Variants in RAI14 observed in about 807,000 individuals in gnomAD.
RAI14 encodes ankycorbin.
Under a neutral mutation model 115.4 loss-of-function variants are expected in RAI14, and 45 were observed. The ratio of observed to expected loss-of-function variants is 0.39; its 90% CI spans 0.31 to 0.50. RAI14 has a LOEUF of 0.50. RAI14 is among the 20% of genes least tolerant of loss of function. RAI14 has a pLI of 0.85. For missense variants in RAI14, 939 were observed against 1,131.2 expected, an observed-to-expected ratio of 0.83 and a Z score of 2.44; for synonymous variants, 371 against 415.4, an observed-to-expected ratio of 0.89 and a Z score of 1.30.
At chr5:34,687,346 T>G (rs7701408) in intron 2 of RAI14, among the ~76,000 whole-genome samples, 1 of 151,802 alleles carries the variant, frequency 6.6e-6, no homozygotes, top group South Asian at 2.1e-4. Context: ...AATGACATAT[T>G]AGCATGGTTC....
At chr5:34,721,322 T>TATAG (rs1554045942) in intron 2 of RAI14, among the ~76,000 whole-genome samples, 3 of 143,938 alleles carry the variant, frequency 2.1e-5, no homozygotes, top group Non-Finnish European at 3.0e-5. Flanking sequence ...TATATATATA[T>TATAG]ATAGATGTGT....
intron 2 of RAI14, among the ~76,000 whole-genome samples, chr5:34,731,560 G>A (rs545539816): frequency 1.3e-5 from 2 of 152,296 alleles, no homozygotes; most frequent in East Asian, 3.9e-4. Context: ...TGTGGAGGCT[G>A]TGGGCAAAGC....
At chr5:34,764,582 A>G (rs1372647370) in intron 3 of RAI14, among the ~76,000 whole-genome samples, 3 of 151,560 alleles carry the variant, frequency 2.0e-5, no homozygotes, top group African/African-American at 7.3e-5. Flanking sequence ...ACACACAAAT[A>G]CATCCCTGTA....
At chr5:34,693,245 T>C (rs891557972) in intron 2 of RAI14, among the ~76,000 whole-genome samples, 4 of 152,168 alleles carry the variant, frequency 2.6e-5, no homozygotes, top group Admixed American at 2.6e-4. Context: ...AGTCAACCCT[T>C]AACACAACTC....
At chr5:34,660,490 G>A (rs1742606870) in intron 1 of RAI14, among the ~76,000 whole-genome samples, 1 of 152,188 alleles carries the variant, frequency 6.6e-6, no homozygotes, top group Non-Finnish European at 1.5e-5. Flanking sequence ...TGAAGCATGA[G>A]ACAAATCCAT....
chr5:34,718,318 G>A (rs11741104), intron 2 of RAI14, among the ~76,000 whole-genome samples: 42,162 of 152,166 alleles, frequency 0.28, 6,624 homozygotes, highest in African/African-American at 0.44. Context: ...CATAAGGTAC[G>A]TGGTTAGTGG....
rs570735298 is a variant in RAI14, at chr5:34,700,338, T to C, written c.36+13383T>C. On this transcript the variant is annotated intron_variant, in intron 2 of 17. Transcript: ENST00000265109. ...TCAGTGAGTTAAGTCCAGCAGTCAT[T>C]GGAGTCTATTGCTGTAGACTCTTGC... 2.6e-5 allele frequency among the ~76,000 whole-genome samples: 4 copies of C among 152,246 alleles called. No individual in the cohort carries two copies. The South Asian group carries it at 8.3e-4, about 32-fold the overall frequency.
intron 3 of RAI14, 96 bp downstream of exon 3, chr5:34,757,694 C>G (rs1409459150): frequency 7.1e-7 from 1 of 1,402,324 alleles, no homozygotes; most frequent in African/African-American, 1.4e-5. Flanking sequence ...CACACGTGCT[C>G]CCTCTCCACT....
chr5:34,696,601 A>C (rs1739268716), intron 2 of RAI14, among the ~76,000 whole-genome samples: 1 of 152,198 alleles, frequency 6.6e-6, no homozygotes, highest in Non-Finnish European at 1.5e-5. Context: ...GGGAGAATGG[A>C]TACTGGGGAT....
intron 4 of RAI14, among the ~76,000 whole-genome samples, chr5:34,799,493 G>GACACACAC (rs780186006): frequency 0.01 from 1,284 of 124,054 alleles, 14 homozygotes; most frequent in South Asian, 0.019. Context: ...CACACACACA[G>GACACACAC]ACACACACAC....
intron 3 of RAI14, among the ~76,000 whole-genome samples, chr5:34,776,926 T>G (rs996744201): frequency 2.0e-5 from 3 of 152,090 alleles, no homozygotes; most frequent in Non-Finnish European, 4.4e-5. Flanking sequence ...CCCAGCACTT[T>G]GGGAAGCCGA....
At chr5:34,770,095 C>T (rs1288168077) in intron 3 of RAI14, among the ~76,000 whole-genome samples, 3 of 152,112 alleles carry the variant, frequency 2.0e-5, no homozygotes, top group South Asian at 2.1e-4. Context: ...AGTCATCTCC[C>T]GGGTAGGGGA....
chr5:34,708,163 A>C (rs1022242370), intron 2 of RAI14, among the ~76,000 whole-genome samples: 6 of 151,632 alleles, frequency 4.0e-5, no homozygotes, highest in African/African-American at 9.7e-5. Flanking sequence ...TTAGAACCAC[A>C]TTTGAAATAA....
chr5:34,821,879 A>G, intron 14 of RAI14, 29 bp downstream of exon 14: 1 of 1,254,404 alleles, frequency 8.0e-7, no homozygotes, highest in South Asian at 1.2e-5. Context: ...ATCATGGACT[A>G]TTCTGTAGAG....
rs768901243 is a variant in RAI14 at position 34,823,909 on chromosome 5, C to T, written c.2067C>T (p.Asn689=). The change falls in exon 15 of 18, where the codon AAC becomes AAT. Residue 689 remains asparagine, a synonymous_variant. Coordinates refer to ENST00000265109, the MANE Select transcript of RAI14 (RefSeq NM_015577.3). This position sits in a 1 kb window ranked among gnomAD's most constrained non-coding sequence, Gnocchi z 4.5. The part of the protein sequence containing the change: ...AEHEKLMQLT[N]VSRAKAEDAL... ...ATGAGAAACTGATGCAATTGACAAACGTGTCCAGGGCTAAAGCAGAAGATG... is the reference window on the plus strand; with the variant it reads ...ATGAGAAACTGATGCAATTGACAAATGTGTCCAGGGCTAAAGCAGAAGATG... The T allele has an allele frequency of 1.9e-6, 3 of 1,614,108 alleles. No individual in the cohort carries two copies. Among genetic ancestry groups the T allele is most frequent in the South Asian group, 1.1e-5 (1 of 91,068 alleles).
rs1561312461 is a variant in RAI14, at chr5:34,752,751, A to ATG, written c.37-4716_37-4715insGT. 4.5e-3 allele frequency among the ~76,000 whole-genome samples: 477 copies of ATG among 105,598 alleles called. 28 individuals carry two copies. The highest frequency in any genetic ancestry group is 0.021 in the African/African-American group (465 of 22,040). The allele number at this position is 105,598 out of a possible 152,430, so 69.3% of individuals were successfully genotyped here. A position where few individuals can be genotyped will look rare whatever the true frequency, so the allele number is the denominator to read the frequency against. Reference sequence around the variant, plus strand: ...TGTGTGTGTGTGTGTGTGTGTGTGTATATATATATATATATGTATCTTTTC... The same window carrying ATG: ...TGTGTGTGTGTGTGTGTGTGTGTGTATGTATATATATATATATGTATCTTTTC... On this transcript the variant is annotated intron_variant, in intron 2 of 17. Coordinates refer to ENST00000265109, the MANE Select transcript of RAI14 (RefSeq NM_015577.3).
chr5:34,789,449 C>T (rs548745560), intron 3 of RAI14, among the ~76,000 whole-genome samples: 19 of 152,332 alleles, frequency 1.2e-4, no homozygotes, highest in African/African-American at 4.1e-4. Context: ...ATGATCACTT[C>T]CGTGAGAGGT....
chr5:34,799,779 C>T (rs573687673), intron 4 of RAI14, among the ~76,000 whole-genome samples: 1 of 150,778 alleles, frequency 6.6e-6, no homozygotes, highest in East Asian at 2.0e-4. Flanking sequence ...GCTCCGCCTC[C>T]CGGGTTCACG....
chr5:34,800,949 T>C (rs530146039), intron 4 of RAI14, among the ~76,000 whole-genome samples: 1 of 152,316 alleles, frequency 6.6e-6, no homozygotes, highest in South Asian at 2.1e-4. Context: ...AAGGCATTTG[T>C]TTAAAACTCA....
Sources: gnomAD v4.1 joint callset for allele counts (sites outside exome capture counted in the v4.1 genomes callset) on GRCh38, gnomAD v4.1.1 for gene constraint, Gnocchi (gnomAD v3.1) non-coding constraint, MANE v1.5 for transcripts, NCBI Gene and HGNC (gene_info 2026-07-23, HGNC 2026-07-21) for gene names.